GOLGA3: variants seen among roughly 807,000 people sequenced by gnomAD.
GOLGA3 encodes golgin subfamily A member 3.
In GOLGA3, 75 loss-of-function variants were observed where a neutral mutation model predicts 169.4. The observed-to-expected ratio is 0.44, with a 90% CI of 0.37 to 0.54. GOLGA3 has a LOEUF of 0.54. GOLGA3 is among the 20% of genes least tolerant of loss of function. The probability of loss-of-function intolerance (pLI) is 0.00; values close to 1 mark genes in which losing one functional copy is unlikely to be tolerated. For synonymous variants in GOLGA3, 824 were observed against 822.4 expected, an observed-to-expected ratio of 1.00 and a Z score of -0.03; for missense variants, 1,899 against 1,930.0, an observed-to-expected ratio of 0.98 and a Z score of 0.30.
chr12:132,781,948 C>T (rs773401585), intron 17 of GOLGA3, among the ~76,000 whole-genome samples: 2 of 152,150 alleles, frequency 1.3e-5, no homozygotes, highest in South Asian at 2.1e-4. Flanking sequence ...GCAGGTCTGC[C>T]CCCCGACTAA....
intron 16 of GOLGA3, among the ~76,000 whole-genome samples, chr12:132,783,210 C>CG (rs2045702758): frequency 6.6e-6 from 1 of 152,168 alleles, no homozygotes; most frequent in African/African-American, 2.4e-5. Context: ...AAACAAAGAA[C>CG]AATGGACACC....
chr12:132,801,782 C>T lies in GOLGA3; in HGVS notation c.1785G>A (p.Glu595=). The T allele has an allele frequency of 6.2e-7, 1 of 1,612,368 alleles. No individual in the cohort carries two copies. Among genetic ancestry groups the T allele is most frequent in the Admixed American group, 1.7e-5 (1 of 60,032 alleles). ...AQEARVRLQG[E]MAHIQVGQMT... ...TGGGCCGTACCTGGATGTGGGCCAT[C>T]TCACCCTGCAGCCTGACGCGGGCCT... Residue 595 remains glutamate (E), a synonymous_variant, in exon 8 of 24, where the codon GAG becomes GAA. Coordinates refer to ENST00000450791, the MANE Select transcript of GOLGA3 (RefSeq NM_001389683.1).
chr12:132,814,084 G>A (rs7302225), intron 3 of GOLGA3, among the ~76,000 whole-genome samples: 66,102 of 143,752 alleles, frequency 0.46, 15,542 homozygotes, highest in East Asian at 0.62. Flanking sequence ...GAGTGCAATG[G>A]TGCGATCTCG....
At chr12:132,786,102 G>A (rs1235274494) in intron 15 of GOLGA3, among the ~76,000 whole-genome samples, 2 of 152,236 alleles carry the variant, frequency 1.3e-5, no homozygotes, top group African/African-American at 4.8e-5. Flanking sequence ...ATTTCTTGAG[G>A]AAAATCAGGT....
chr12:132,774,649 T>G, intron 22 of GOLGA3: 1 of 420,106 alleles, frequency 2.4e-6, no homozygotes, highest in South Asian at 4.0e-5. Context: ...TGATGTGGAA[T>G]TTCCGTAAGA....
At chr12:132,827,412 G>T (rs1322986010) in intron 1 of GOLGA3, among the ~76,000 whole-genome samples, 9 of 152,184 alleles carry the variant, frequency 5.9e-5, no homozygotes, top group Non-Finnish European at 1.2e-4. Flanking sequence ...CTGGGCTAAA[G>T]ATTTCTTAAT....
At chr12:132,821,581 T>C (rs1490969284) in intron 2 of GOLGA3, among the ~76,000 whole-genome samples, 2 of 152,110 alleles carry the variant, frequency 1.3e-5, no homozygotes, top group African/African-American at 4.8e-5. Flanking sequence ...CCGGGCACAG[T>C]GGCTCACACC....
intron 22 of GOLGA3, chr12:132,774,769 C>A (rs916753806): frequency 2.2e-5 from 10 of 446,138 alleles, no homozygotes; most frequent in African/African-American, 1.6e-4. Context: ...GCCCTCCCAC[C>A]TGCCTCCTGG....
chr12:132,816,810 C>G lies in GOLGA3; in HGVS notation c.136G>C (p.Ala46Pro), dbSNP rs753542261. ...TCCGTGGATGCTCTGTTTACCTCGG[C>G]ACCTGGAAAGACAGAGCACGCTGGA... ...PPDQQDKVQCAEVNRASTEGE... is the reference protein window; with the variant it reads ...PPDQQDKVQCPEVNRASTEGE... The change falls in exon 3 of 24, where the codon GCC becomes CCC. Residue 46 changes from alanine (A) to proline (P), a missense_variant and splice_region_variant. Ala to Pro is a conservative substitution (Grantham distance 27). Coordinates refer to ENST00000450791, the MANE Select transcript of GOLGA3 (RefSeq NM_001389683.1). The G allele has an allele frequency of 5.7e-6, 9 of 1,591,068 alleles. No individual in the cohort carries two copies. Among genetic ancestry groups the G allele is most frequent in the African/African-American group, 1.3e-5 (1 of 74,344 alleles).
intron 11 of GOLGA3, among the ~76,000 whole-genome samples, chr12:132,792,933 G>A (rs1454696059): frequency 5.9e-5 from 8 of 136,242 alleles, no homozygotes; most frequent in African/African-American, 2.0e-4. Context: ...CACCCCACGG[G>A]ACCTGCACTC....
intron 1 of GOLGA3, 115 bp downstream of exon 1, chr12:132,828,688 G>A (rs1006983706): frequency 1.5e-4 from 2 of 13,166 alleles, no homozygotes; most frequent in Non-Finnish European, 4.8e-4. Context: ...CACGCTGCAG[G>A]GACGCGCCCA....
At position 132,789,180 on chromosome 12, in the gene GOLGA3, C is replaced by T; in HGVS notation, c.2658G>A (p.Glu886=). ...LDSELKELRQ[E]LMQVHGEKRT... is the part of the protein sequence containing the mutation. ...GCTTCTCCCCGTGCACTTGCATCAG[C>T]TCCTGCCGCAGCTCCTTCAGCTCCG... Residue 886 remains glutamate, a synonymous_variant, in exon 13 of 24, where the codon GAG becomes GAA. Coordinates refer to ENST00000450791, the MANE Select transcript of GOLGA3 (RefSeq NM_001389683.1). 3.7e-6 allele frequency: 6 copies of T among 1,611,972 alleles called. No homozygotes were observed. The highest frequency in any genetic ancestry group is 5.1e-6 in the Non-Finnish European group (6 of 1,180,028).
intron 9 of GOLGA3, among the ~76,000 whole-genome samples, 160 bp downstream of exon 9, chr12:132,798,180 G>A (rs78077933): frequency 2.2e-5 from 1 of 44,594 alleles, no homozygotes; most frequent in South Asian, 6.8e-4. Flanking sequence ...GATGAGGGGT[G>A]GGGGGGGGGT....
chr12:132,822,147 T>G lies in GOLGA3; in HGVS notation c.-19A>C, dbSNP rs1950249549. On this transcript the variant is annotated 5_prime_UTR_variant, in exon 2 of 24. Coordinates refer to ENST00000450791, the MANE Select transcript of GOLGA3 (RefSeq NM_001389683.1). ...CGTCCATGGTCAGGACGACACCAGC[T>G]GAGCTGACGCTGAGGGGCTACAAGT... The G allele has an allele frequency of 6.3e-7, 1 of 1,591,602 alleles. No individual in the cohort carries two copies. Among genetic ancestry groups the G allele is most frequent in the African/African-American group, 1.4e-5 (1 of 73,012 alleles).
Position 132,784,193 on chromosome 12 carries a change from G to A in GOLGA3, c.3238C>T (p.Arg1080Trp), listed in dbSNP as rs1260001304. The A allele has an allele frequency of 3.7e-6, 6 of 1,609,662 alleles. No individual in the cohort carries two copies. The highest frequency in any genetic ancestry group is 2.2e-5 in the East Asian group (1 of 44,900). ...ALTSQELEES[R>W]EKVLELEDEL... The stretch of plus-strand genomic sequence containing the variant: ...TCCTCCAGCTCCAGCACCTTCTCCC[G>A]GGACTCCTCCAGCTCCTGGCTGGTC... Residue 1080 changes from arginine to tryptophan, a missense_variant, in exon 16 of 24, where the codon CGG becomes TGG. Physicochemically the swap from Arg to Trp is moderately radical, Grantham distance 101. Coordinates refer to ENST00000450791, the MANE Select transcript of GOLGA3 (RefSeq NM_001389683.1).
At chr12:132,808,927 C>G (rs1209140437) in intron 4 of GOLGA3, among the ~76,000 whole-genome samples, 3 of 152,192 alleles carry the variant, frequency 2.0e-5, no homozygotes, top group Non-Finnish European at 2.9e-5. Context: ...AGACACAAGA[C>G]AAAGAGACAA....
intron 1 of GOLGA3, 147 bp downstream of exon 1, chr12:132,828,656 G>T: frequency 6.6e-6 from 1 of 152,196 alleles, no homozygotes; most frequent in South Asian, 1.9e-4. Flanking sequence ...AGGCGGGGGT[G>T]ACTGGAACGG....
intron 2 of GOLGA3, among the ~76,000 whole-genome samples, chr12:132,819,828 C>T (rs1042446244): frequency 1.3e-5 from 2 of 152,002 alleles, no homozygotes; most frequent in African/African-American, 4.8e-5. Context: ...TAACTCAAGG[C>T]CAGGAATTCA....
At chr12:132,782,608 G>C (rs900377581) in intron 16 of GOLGA3, 115 bp from the exon 17 acceptor site, 18 of 799,634 alleles carry the variant, frequency 2.3e-5, no homozygotes, top group Non-Finnish European at 3.2e-5. Flanking sequence ...CAGGCGCAGA[G>C]GCTCACGCCT....
Sources: gnomAD v4.1 joint callset for allele counts (sites outside exome capture counted in the v4.1 genomes callset) on GRCh38, gnomAD v4.1.1 for gene constraint, MANE v1.5 for transcripts, NCBI Gene and HGNC (gene_info 2026-07-23, HGNC 2026-07-21) for gene names.